EMC3: variants seen among roughly 807,000 people sequenced by gnomAD.
EMC3 encodes the protein 30 kDa protein.
A neutral mutation model predicts 36.6 loss-of-function variants in EMC3; 13 were observed. That is an observed-to-expected ratio of 0.35 (90% CI 0.23 to 0.56). The LOEUF (loss-of-function observed/expected upper bound fraction) is 0.56, where lower values mean the gene tolerates loss of function less well. EMC3 is among the 20% of genes least tolerant of loss of function. The pLI, the probability that EMC3 is intolerant of heterozygous loss-of-function variation, is 0.84. For synonymous variants in EMC3, 120 were observed against 111.9 expected, an observed-to-expected ratio of 1.07 and a Z score of -0.46; for missense variants, 220 against 324.5, an observed-to-expected ratio of 0.68 and a Z score of 2.47.
At chr3:9,970,556 C>G (rs1408595395) in intron 6 of EMC3, 26 bp downstream of exon 6, 9 of 1,612,092 alleles carry the variant, frequency 5.6e-6, no homozygotes, top group Non-Finnish European at 6.8e-6. Context: ...GAAGTATTTG[C>G]TTAGTAAACC....
At chr3:9,969,542 T>G in intron 7 of EMC3, 177 bp downstream of exon 7, 6 of 1,486,690 alleles carry the variant, frequency 4.0e-6, no homozygotes, top group Non-Finnish European at 5.3e-6. Flanking sequence ...AGAATTTCCA[T>G]TTACTTAATA....
intron 1 of EMC3, chr3:10,000,549 G>A (rs1178677062): frequency 3.6e-6 from 1 of 279,644 alleles, no homozygotes; most frequent in Non-Finnish European, 7.4e-6. Flanking sequence ...TTTATGATCT[G>A]ATTTCTGGTG....
chr3:9,996,460 A>C (rs2086125907), intron 1 of EMC3, among the ~76,000 whole-genome samples: 2 of 152,098 alleles, frequency 1.3e-5, no homozygotes, highest in Admixed American at 1.3e-4. Context: ...TAGACACATA[A>C]ATAAAAATAA....
In EMC3 at chr3:9,963,289, TGTGTAAAGAAA is replaced by T. The variant is rs1191806623; in HGVS notation, c.*769_*779del. The T allele has an allele frequency of 2.6e-5, 4 of 151,936 alleles. No homozygotes were observed. 9.4% of individuals were successfully genotyped at this position (151,936 alleles called of 1,614,324 possible). On this transcript the variant is annotated 3_prime_UTR_variant, in exon 8 of 8. Transcript: ENST00000245046. Reference sequence around the variant, plus strand: ...CCTTTGGTAGTGGAAATGGTTTACTTGTGTAAAGAAAGTTAACAATACTAACAAAACTAATG... The same window carrying T: ...CCTTTGGTAGTGGAAATGGTTTACTTGTTAACAATACTAACAAAACTAATG...
At chr3:10,007,285 C>T (rs1444492224) in intron 1 of EMC3, 5 of 1,263,794 alleles carry the variant, frequency 4.0e-6, no homozygotes, top group Non-Finnish European at 5.1e-6. Context: ...ACTCACACTA[C>T]CTGGTGAACA....
intron 1 of EMC3, among the ~76,000 whole-genome samples, chr3:9,982,651 G>A (rs1334655859): frequency 2.0e-5 from 3 of 152,016 alleles, no homozygotes; most frequent in African/African-American, 7.2e-5. Flanking sequence ...ATTGTGGAAG[G>A]CCGAGATGGA....
chr3:9,976,389 G>A (rs2085850580), intron 3 of EMC3, among the ~76,000 whole-genome samples: 1 of 152,164 alleles, frequency 6.6e-6, no homozygotes, highest in Admixed American at 6.5e-5. Flanking sequence ...GATTATAGGC[G>A]TGAGCCACCA....
intron 1 of EMC3, among the ~76,000 whole-genome samples, chr3:9,998,092 C>A (rs1275355508): frequency 6.6e-6 from 1 of 151,892 alleles, no homozygotes; most frequent in East Asian, 1.9e-4. Context: ...TATGGCCGGG[C>A]GCAGTGGCTC....
At chr3:10,003,025 G>A (rs62245493) in intron 1 of EMC3, 35,495 of 456,172 alleles carry the variant, frequency 0.078, 2,858 homozygotes, top group African/African-American at 0.29. Context: ...TGGAGACCCA[G>A]AAACATCCCA....
intron 1 of EMC3, among the ~76,000 whole-genome samples, chr3:9,986,260 A>C (rs1046177073): frequency 7.5e-4 from 114 of 152,274 alleles, no homozygotes; most frequent in African/African-American, 2.6e-3. Flanking sequence ...TTCAACACTC[A>C]ATACGTCCTA....
At chr3:9,994,427 G>C in intron 1 of EMC3, 1 of 523,502 alleles carries the variant, frequency 1.9e-6, no homozygotes, top group Non-Finnish European at 3.5e-6. Flanking sequence ...AAGTAGCTCT[G>C]AACTGGGTCT....
chr3:10,005,309 G>C (rs938978365), intron 1 of EMC3: 2 of 152,036 alleles, frequency 1.3e-5, no homozygotes, highest in African/African-American at 4.8e-5. Flanking sequence ...AAAGAATGAG[G>C]CAACATACAT....
At chr3:9,990,809 G>T (rs1216040549), upstream of EMC3, among the ~76,000 whole-genome samples, 1 of 150,886 alleles carries the variant, frequency 6.6e-6, no homozygotes, top group Non-Finnish European at 1.5e-5. Context: ...CACCACGCCT[G>T]GCCAATTCTT....
chr3:10,008,379 A>G (rs755528550), intron 1 of EMC3: 49 of 1,366,032 alleles, frequency 3.6e-5, no homozygotes, highest in Non-Finnish European at 4.5e-5. Flanking sequence ...ACCCACAAAC[A>G]GAGAAGGTCC....
At chr3:10,007,533 C>A (rs375419083) in intron 1 of EMC3, 490 of 1,367,536 alleles carry the variant, frequency 3.6e-4, no homozygotes, top group Non-Finnish European at 4.5e-4. Flanking sequence ...ATGAAGCGCT[C>A]CCCCTCAGAG....
chr3:9,965,416 C>CGATA (rs57264688), intron 7 of EMC3, among the ~76,000 whole-genome samples: 44,453 of 145,658 alleles, frequency 0.31, 7,091 homozygotes, highest in East Asian at 0.41. Flanking sequence ...GTGAGACCCT[C>CGATA]GATAGATAGA....
chr3:9,987,086 C>T, upstream of EMC3: 6 of 833,640 alleles, frequency 7.2e-6, no homozygotes, highest in Admixed American at 5.6e-5. Flanking sequence ...GTGGTGGAGG[C>T]GCCTGTAGTC....
chr3:9,992,119 T>C (rs2086060956), intron 1 of EMC3, among the ~76,000 whole-genome samples: 1 of 151,888 alleles, frequency 6.6e-6, no homozygotes, highest in Non-Finnish European at 1.5e-5. Flanking sequence ...TTTTAAATTT[T>C]GTAATTAAAA....
At chr3:9,974,045 G>C (rs544728813) in intron 4 of EMC3, among the ~76,000 whole-genome samples, 3 of 152,140 alleles carry the variant, frequency 2.0e-5, no homozygotes, top group African/African-American at 7.2e-5. Context: ...GATTAAAAGC[G>C]AATCAACTTA....
Sources: gnomAD v4.1 joint callset for allele counts (sites outside exome capture counted in the v4.1 genomes callset) on GRCh38, gnomAD v4.1.1 for gene constraint, MANE v1.5 for transcripts, NCBI Gene and HGNC (gene_info 2026-07-23, HGNC 2026-07-21) for gene names.